The following BPIFB4 variants were observed in gnomAD, a reference collection of about 807,000 sequenced individuals.
BPIFB4 encodes the protein BPI fold containing family B member 4.
In BPIFB4, 62 loss-of-function variants were observed where a neutral mutation model predicts 69.2. The observed-to-expected ratio is 0.90, with a 90% CI of 0.73 to 1.11. The LOEUF (loss-of-function observed/expected upper bound fraction) is 1.11. BPIFB4 is among the 50% of genes least tolerant of loss of function. The pLI, the probability that BPIFB4 is intolerant of heterozygous loss-of-function variation, is 0.00. For missense variants in BPIFB4, 789 were observed against 792.0 expected, an observed-to-expected ratio of 1.00 and a Z score of 0.04; for synonymous variants, 330 against 332.7, an observed-to-expected ratio of 0.99 and a Z score of 0.09.
rs56030970 is a variant in BPIFB4, at chr20:33,087,753, C to CACACACACACACACACACACACACACAA, written c.927-1212_927-1211insCACACACACACACACACACACACACAAA. Among the ~76,000 whole-genome samples, 37 of 140,854 alleles carry CACACACACACACACACACACACACACAA rather than the reference C, an allele frequency of 2.6e-4. No homozygotes were observed. In the East Asian group the frequency reaches 3.8e-3, roughly 14 times the overall value. The allele number at this position is 140,854 out of a possible 152,430, so 92.4% of individuals were successfully genotyped here. A position where few individuals can be genotyped will look rare whatever the true frequency, so the allele number is the denominator to read the frequency against. On this transcript the variant is annotated intron_variant, in intron 7 of 17. Transcript: ENST00000375483. ...ACACACACACACACACACACACACA[C>CACACACACACACACACACACACACACAA]AAGCATGCATGCATACACACACATA...
At chr20:33,082,443 C>T (rs1412445730) in intron 3 of BPIFB4, among the ~76,000 whole-genome samples, 3 of 152,190 alleles carry the variant, frequency 2.0e-5, no homozygotes, top group African/African-American at 7.2e-5. Flanking sequence ...AAGCGATTCT[C>T]CTGCCTCAGC....
At chr20:33,086,466 G>A (rs1469054690) in intron 7 of BPIFB4, among the ~76,000 whole-genome samples, 1 of 152,188 alleles carries the variant, frequency 6.6e-6, no homozygotes, top group East Asian at 1.9e-4. Context: ...GATCTGAATG[G>A]TCAGGAGCAT....
intron 17 of BPIFB4, among the ~76,000 whole-genome samples, chr20:33,109,310 T>G (rs1982168591): frequency 6.6e-6 from 1 of 152,214 alleles, no homozygotes; most frequent in Non-Finnish European, 1.5e-5. Flanking sequence ...ATCATCATCA[T>G]CATCTCTACT....
chr20:33,103,288 C>G (rs1337003767), intron 15 of BPIFB4, among the ~76,000 whole-genome samples: 1 of 152,202 alleles, frequency 6.6e-6, no homozygotes, highest in Non-Finnish European at 1.5e-5. Flanking sequence ...TGGGGGGCCA[C>G]TTGGCCCAAA....
chr20:33,103,572 C>T (rs1042424845), intron 15 of BPIFB4, among the ~76,000 whole-genome samples: 6 of 152,208 alleles, frequency 3.9e-5, no homozygotes, highest in African/African-American at 1.4e-4. Flanking sequence ...TCTTTGTTCA[C>T]TCTTGGGTGC....
chr20:33,086,881 G>A lies in BPIFB4; in HGVS notation c.926+717G>A, dbSNP rs142683345. ...TCTTGGATGAGTACACACTCAGAGC[G>A]GAGTCTCTTTCTGTTCACTCCCTGC... On this transcript the variant is annotated intron_variant, in intron 7 of 17. Transcript: ENST00000375483. Among the ~76,000 whole-genome samples, 318 of 152,290 alleles carry A rather than the reference G, an allele frequency of 2.1e-3. 2 individuals carry two copies. The highest frequency in any genetic ancestry group is 7.1e-3 in the East Asian group (37 of 5,180).
In BPIFB4 at chr20:33,086,175, G is replaced by A; in HGVS notation, c.926+11G>A. The A allele has an allele frequency of 6.2e-7, 1 of 1,600,680 alleles. No homozygotes were observed. Among genetic ancestry groups the A allele is most frequent in the Admixed American group, 1.7e-5 (1 of 59,810 alleles). ...CAAGCTGCTGCGAGGGTGAGTGCTA[G>A]CCGGCAGTGGAGTGCCTTGGGGGTT... On this transcript the variant is annotated intron_variant, in intron 7 of 17. Coordinates refer to ENST00000375483, the MANE Select transcript of BPIFB4 (RefSeq NM_182519.3).
At position 33,085,006 on chromosome 20, in the gene BPIFB4, C is replaced by T. The variant is rs71349705; in HGVS notation, c.782+10C>T. 73,570 of 1,609,318 alleles carry T rather than the reference C, an allele frequency of 0.046. 1,959 individuals are homozygous for T. Among genetic ancestry groups the T allele is most frequent in the Middle Eastern group, 0.058 (352 of 6,054 alleles). On this transcript the variant is annotated intron_variant, in intron 6 of 17. Transcript: ENST00000375483. ...CCATCAACGGGAAGAGGTGCGTGCC[C>T]TTGGCCCTGGAGGGGTCCCCACCAC...
chr20:33,087,673 T>C (rs1476711867), intron 7 of BPIFB4, among the ~76,000 whole-genome samples: 1 of 145,788 alleles, frequency 6.9e-6, no homozygotes, highest in African/African-American at 2.6e-5. Flanking sequence ...AGAAAAAGAG[T>C]TTATGCCCTG....
intron 16 of BPIFB4, among the ~76,000 whole-genome samples, chr20:33,105,854 T>C (rs1982035036): frequency 1.3e-5 from 2 of 152,190 alleles, no homozygotes; most frequent in Admixed American, 1.3e-4. Context: ...CGGAGCGTCT[T>C]GCCTGGCTTA....
intron 13 of BPIFB4, among the ~76,000 whole-genome samples, chr20:33,098,194 A>G (rs1224541445): frequency 6.6e-6 from 1 of 152,210 alleles, no homozygotes; most frequent in Non-Finnish European, 1.5e-5. Context: ...AGTGCCTGAC[A>G]TACCCTAAAG....
chr20:33,088,356 A>G (rs973062789), intron 7 of BPIFB4, among the ~76,000 whole-genome samples: 1 of 141,786 alleles, frequency 7.1e-6, no homozygotes, highest in Non-Finnish European at 1.5e-5. Flanking sequence ...AAAAAAAAAA[A>G]GAAAAGAAAA....
At chr20:33,081,310 A>G (rs1363316490) in intron 2 of BPIFB4, among the ~76,000 whole-genome samples, 1 of 152,184 alleles carries the variant, frequency 6.6e-6, no homozygotes, top group African/African-American at 2.4e-5. Context: ...GCTTTGTGTC[A>G]CCAGATTCAT....
chr20:33,098,527 TTGAGGCCAGGATTTCGAGACCAGCC>T (rs1282747768), intron 13 of BPIFB4, among the ~76,000 whole-genome samples: 1 of 152,058 alleles, frequency 6.6e-6, no homozygotes, highest in African/African-American at 2.4e-5. Flanking sequence ...GGTGGATCAC[TTGAGGCCAGGATTTCGAGACCAGCC>T]TTGTCAACAT....
At chr20:33,081,726 G>T in intron 3 of BPIFB4, 94 bp downstream of exon 3, 3 of 1,506,954 alleles carry the variant, frequency 2.0e-6, no homozygotes, top group Non-Finnish European at 2.7e-6. Flanking sequence ...CCTGCTAGCA[G>T]AGTTCACATC....
chr20:33,095,171 G>C lies in BPIFB4; in HGVS notation c.1398+18G>C, dbSNP rs536517522. On this transcript the variant is annotated intron_variant, in intron 12 of 17. Coordinates refer to ENST00000375483, the MANE Select transcript of BPIFB4 (RefSeq NM_182519.3). Reference sequence around the variant, plus strand: ...TCCCCAAGGTATGTAAGGTGGGCAGGTCCCATTGCCTTCAGCCTCATTCTC... The same window carrying C: ...TCCCCAAGGTATGTAAGGTGGGCAGCTCCCATTGCCTTCAGCCTCATTCTC... 80 of 1,588,894 alleles carry C rather than the reference G, an allele frequency of 5.0e-5. No homozygotes were observed. The East Asian group carries it at 1.7e-3, about 34-fold the overall frequency.
chr20:33,097,875 C>T (rs933990601), intron 13 of BPIFB4, 88 bp downstream of exon 13: 6 of 1,346,682 alleles, frequency 4.5e-6, no homozygotes, highest in Non-Finnish European at 6.1e-6. Flanking sequence ...CCTTCAAATC[C>T]CCTCAATCTC....
At chr20:33,095,292 A>G (rs1238916250) in intron 12 of BPIFB4, 139 bp downstream of exon 12, 2 of 933,820 alleles carry the variant, frequency 2.1e-6, no homozygotes, top group Non-Finnish European at 3.4e-6. Context: ...AGTGACAGTG[A>G]CAAGGGCTTG....
intron 4 of BPIFB4, 53 bp from the exon 5 acceptor site, chr20:33,083,313 TG>T: frequency 6.4e-7 from 1 of 1,554,142 alleles, no homozygotes; most frequent in Non-Finnish European, 8.8e-7. Flanking sequence ...GGTGGTCTTT[TG>T]GGTGGTGGCC....
Sources: gnomAD v4.1 joint callset for allele counts (sites outside exome capture counted in the v4.1 genomes callset) on GRCh38, gnomAD v4.1.1 for gene constraint, MANE v1.5 for transcripts, NCBI Gene and HGNC (gene_info 2026-07-23, HGNC 2026-07-21) for gene names.